PSD3: variants seen among roughly 807,000 people sequenced by gnomAD.
PSD3 encodes the protein PH and SEC7 domain-containing protein 3.
Under a neutral mutation model 105.5 loss-of-function variants are expected in PSD3, and 49 were observed. The ratio of observed to expected loss-of-function variants is 0.46; its 90% confidence interval spans 0.37 to 0.59. PSD3 has a LOEUF of 0.59. Ranked by LOEUF, PSD3 falls within the 20% of genes least tolerant of loss-of-function variation. PSD3 has a pLI of 0.00. For synonymous variants in PSD3, 557 were observed against 457.8 expected (o/e 1.22, Z -2.77); for missense variants, 1,561 against 1,263.8 (o/e 1.24, Z -3.57).
intron 8 of PSD3, among the ~76,000 whole-genome samples, chr8:18,767,842 C>T (rs969594123): frequency 6.6e-6 from 1 of 152,016 alleles, no homozygotes; most frequent in Middle Eastern, 3.2e-3. Flanking sequence ...GTATGCTTTT[C>T]AAGGTCACGC....
intron 3 of PSD3, among the ~76,000 whole-genome samples, chr8:18,869,785 C>T (rs1219866610): frequency 1.3e-5 from 2 of 152,188 alleles, no homozygotes; most frequent in African/African-American, 4.8e-5. Flanking sequence ...TTCTTTCCTT[C>T]ACAGAACCTA....
At chr8:18,956,649 G>T (rs551793325) in intron 1 of PSD3, among the ~76,000 whole-genome samples, 3 of 152,034 alleles carry the variant, frequency 2.0e-5, no homozygotes, top group Non-Finnish European at 2.9e-5. Context: ...CACTTATTTT[G>T]TTTTGTTTTT....
At chr8:18,958,542 T>A (rs1048083090) in intron 1 of PSD3, among the ~76,000 whole-genome samples, 3 of 152,148 alleles carry the variant, frequency 2.0e-5, no homozygotes, top group African/African-American at 7.2e-5. Context: ...GCTAGCAAGA[T>A]TAAATGCAAA....
chr8:18,690,355 G>C (rs1346937705), intron 9 of PSD3, among the ~76,000 whole-genome samples: 1 of 152,178 alleles, frequency 6.6e-6, no homozygotes, highest in East Asian at 1.9e-4. Flanking sequence ...TGCAGAGAAC[G>C]ATAGCTACTA....
chr8:18,602,187 C>T lies in PSD3; in HGVS notation c.2411-1753G>A, dbSNP rs575168998. Among the ~76,000 whole-genome samples the T allele has an allele frequency of 2.0e-5, 3 of 151,444 alleles. No individual in the cohort carries two copies. The East Asian group carries it at 5.8e-4, about 30-fold the overall frequency. Reference sequence around the variant, plus strand: ...CTAATTTATTGGCATCTTGCGATCCCTTTAGTTCAAAAATCTACACATCTA... The same window carrying T: ...CTAATTTATTGGCATCTTGCGATCCTTTTAGTTCAAAAATCTACACATCTA... On this transcript the variant is annotated intron_variant, in intron 11 of 15. Coordinates refer to ENST00000327040, the MANE Select transcript of PSD3 (RefSeq NM_015310.4).
At chr8:18,544,539 T>C (rs1391088368) in intron 15 of PSD3, among the ~76,000 whole-genome samples, 1 of 152,176 alleles carries the variant, frequency 6.6e-6, no homozygotes, top group Non-Finnish European at 1.5e-5. Context: ...ATAGTTCGTG[T>C]TCGTGGCTTT....
intron 1 of PSD3, among the ~76,000 whole-genome samples, chr8:19,031,525 T>G (rs945503366): frequency 1.3e-5 from 2 of 151,560 alleles, no homozygotes; most frequent in African/African-American, 4.9e-5. Flanking sequence ...TGAGCTGACC[T>G]CTGCTTTTTG....
intron 9 of PSD3, among the ~76,000 whole-genome samples, chr8:18,657,212 C>A (rs1224068984): frequency 6.6e-6 from 1 of 152,212 alleles, no homozygotes; most frequent in Non-Finnish European, 1.5e-5. Flanking sequence ...TCGCCCTTAA[C>A]ATTGTCTCAT....
intron 2 of PSD3, among the ~76,000 whole-genome samples, chr8:18,904,034 A>G (rs1470079130): frequency 2.0e-5 from 3 of 152,094 alleles, no homozygotes; most frequent in Admixed American, 6.5e-5. Flanking sequence ...ATTTATAAAG[A>G]AAAGAGGTTT....
At chr8:18,859,537 A>T (rs1290746936) in intron 4 of PSD3, among the ~76,000 whole-genome samples, 1 of 152,254 alleles carries the variant, frequency 6.6e-6, no homozygotes, top group Non-Finnish European at 1.5e-5. Flanking sequence ...TCTTTTTCCA[A>T]TAGATGGCTA....
At chr8:18,882,962 A>C (rs1818215231) in intron 2 of PSD3, among the ~76,000 whole-genome samples, 1 of 152,144 alleles carries the variant, frequency 6.6e-6, no homozygotes, top group Non-Finnish European at 1.5e-5. Flanking sequence ...TACACAGAGA[A>C]CATTTCCGTC....
At chr8:18,552,202 T>C (rs1800810000) in intron 15 of PSD3, among the ~76,000 whole-genome samples, 1 of 152,190 alleles carries the variant, frequency 6.6e-6, no homozygotes, top group Non-Finnish European at 1.5e-5. Context: ...AATTCCCCTG[T>C]AGTAAATCTC....
chr8:19,026,697 T>G (rs1827560819), intron 1 of PSD3, among the ~76,000 whole-genome samples: 1 of 48,656 alleles, frequency 2.1e-5, no homozygotes, highest in African/African-American at 9.1e-5. Context: ...AGACCACATC[T>G]CTACAAAAAA....
At chr8:19,067,258 A>G (rs1326693523) in intron 1 of PSD3, among the ~76,000 whole-genome samples, 2 of 152,168 alleles carry the variant, frequency 1.3e-5, no homozygotes, top group Non-Finnish European at 2.9e-5. Context: ...TGCTACCTGA[A>G]ATTTCCATGC....
At chr8:18,674,031 T>C (rs1343777821) in intron 9 of PSD3, among the ~76,000 whole-genome samples, 1 of 152,036 alleles carries the variant, frequency 6.6e-6, no homozygotes, top group African/African-American at 2.4e-5. Flanking sequence ...TGGCTCCTGC[T>C]ACTCTGGAAG....
intron 4 of PSD3, among the ~76,000 whole-genome samples, chr8:18,861,462 C>T (rs1054575262): frequency 6.6e-6 from 1 of 152,068 alleles, no homozygotes; most frequent in Non-Finnish European, 1.5e-5. Flanking sequence ...ACCTTCAGTC[C>T]CATATTCCCA....
chr8:18,788,606 T>C (rs1031833624), intron 8 of PSD3, among the ~76,000 whole-genome samples: 5 of 152,190 alleles, frequency 3.3e-5, no homozygotes, highest in African/African-American at 7.2e-5. Flanking sequence ...TCATTTTTGA[T>C]AGTGTCAGGT....
At chr8:18,608,594 A>G (rs763358286) in intron 11 of PSD3, among the ~76,000 whole-genome samples, 20 of 152,248 alleles carry the variant, frequency 1.3e-4, no homozygotes, top group Non-Finnish European at 2.2e-4. Context: ...TTGGAAATAT[A>G]AAGTACAGTG....
rs562289094 is a variant in PSD3 at position 19,078,592 on chromosome 8, C to T, written c.324+5614G>A. On this transcript the variant is annotated intron_variant, in intron 1 of 1. Coordinates refer to the PSD3 transcript ENST00000521475. ...ATCAACCTTTATGAGTTGTCCCTTT[C>T]CCAGACCTCCATGGTGTAACCATCT... 2.6e-4 allele frequency among the ~76,000 whole-genome samples: 39 copies of T among 152,110 alleles called. No individual in the cohort carries two copies. The South Asian group carries it at 7.9e-3, about 31-fold the overall frequency.
Sources: allele counts gnomAD v4.1 joint callset (sites outside exome capture counted in the v4.1 genomes callset), GRCh38; gene constraint gnomAD v4.1.1; transcripts MANE v1.5; gene names NCBI Gene and HGNC (gene_info 2026-07-23, HGNC 2026-07-21).